The following TUFT1 variants were observed in gnomAD, a reference collection of about 807,000 sequenced individuals.
The protein encoded by TUFT1 is tuftelin.
A neutral mutation model predicts 57.8 loss-of-function variants in TUFT1; 43 were observed. The ratio of observed to expected loss-of-function variants is 0.74; its 90% CI spans 0.58 to 0.96. TUFT1 has a LOEUF of 0.96. TUFT1 is among the 40% of genes least tolerant of loss of function. The pLI, the probability that TUFT1 is intolerant of heterozygous loss-of-function variation, is 0.00. For missense variants in TUFT1, 459 were observed against 489.0 expected, an observed-to-expected ratio of 0.94 and a Z score of 0.58; for synonymous variants, 166 against 176.7, an observed-to-expected ratio of 0.94 and a Z score of 0.48.
chr1:151,544,216 A>G (rs1468578786), intron 1 of TUFT1, among the ~76,000 whole-genome samples: 2 of 151,916 alleles, frequency 1.3e-5, no homozygotes, highest in East Asian at 3.9e-4. Context: ...CCTGGTTTAA[A>G]GTAATCTTCC....
Position 151,579,750 on chromosome 1 carries a change from C to T in TUFT1, c.1008+18C>T, listed in dbSNP as rs900901907. On this transcript the variant is annotated intron_variant, in intron 11 of 12. Coordinates refer to ENST00000368849, the MANE Select transcript of TUFT1 (RefSeq NM_020127.3). Reference sequence around the variant, plus strand: ...AGGCAGAGGTGTGTGTGCTGGGCAGCCCAGCAGGGGAACAGGACTCTTGAA... The same window carrying T: ...AGGCAGAGGTGTGTGTGCTGGGCAGTCCAGCAGGGGAACAGGACTCTTGAA... 1 of 1,610,326 alleles carries T rather than the reference C, an allele frequency of 6.2e-7. No homozygotes were observed. The highest frequency in any genetic ancestry group is 8.5e-7 in the Non-Finnish European group (1 of 1,178,032).
intron 11 of TUFT1, 28 bp from the exon 12 acceptor site, chr1:151,580,914 A>G (rs369650635): frequency 1.2e-6 from 2 of 1,610,374 alleles, no homozygotes; most frequent in Non-Finnish European, 1.7e-6. Flanking sequence ...GAAAAAGGCC[A>G]ACTCTAACCC....
intron 1 of TUFT1, among the ~76,000 whole-genome samples, chr1:151,541,972 G>A (rs2102512159): frequency 6.6e-6 from 1 of 152,240 alleles, no homozygotes; most frequent in South Asian, 2.1e-4. Flanking sequence ...TCAGCCTCCT[G>A]AGTAGCTGGG....
intron 1 of TUFT1, among the ~76,000 whole-genome samples, chr1:151,552,477 G>A (rs1665541666): frequency 6.6e-6 from 1 of 152,164 alleles, no homozygotes; most frequent in Non-Finnish European, 1.5e-5. Flanking sequence ...GCCGAGGCGG[G>A]TGGATTACCT....
intron 1 of TUFT1, among the ~76,000 whole-genome samples, chr1:151,555,700 C>G (rs1665674043): frequency 6.7e-6 from 1 of 149,526 alleles, no homozygotes; most frequent in Non-Finnish European, 1.5e-5. Context: ...TCGTTTGAAC[C>G]CAGGAGGCAG....
intron 4 of TUFT1, 97 bp from the exon 5 acceptor site, chr1:151,564,428 C>G: frequency 1.2e-6 from 1 of 860,466 alleles, no homozygotes. Context: ...CAGTGCCTGA[C>G]TCGCAGTACA....
chr1:151,548,097 G>A lies in TUFT1; in HGVS notation c.60+7671G>A, dbSNP rs1304222588. 2.0e-5 allele frequency among the ~76,000 whole-genome samples: 3 copies of A among 152,184 alleles called. 1 individual carries two copies. Among genetic ancestry groups the A allele is most frequent in the Admixed American group, 2.0e-4 (3 of 15,280 alleles). On this transcript the variant is annotated intron_variant, in intron 1 of 12. Transcript: ENST00000368849. ...CAAAGGGCCATCTCTGGCCTAGGCAGCACTGCAGAAGGCAGGACCATGTAC... is the reference window on the plus strand; with the variant it reads ...CAAAGGGCCATCTCTGGCCTAGGCAACACTGCAGAAGGCAGGACCATGTAC...
rs895405411 is a variant in TUFT1 at position 151,582,827 on chromosome 1, T to C, written c.*1120T>C. The stretch of plus-strand genomic sequence containing the variant: ...AGAAAGAGGGCAATCAGGACTCTTC[T>C]GGGACCCAGATGAGTTCTTCACTAG... On this transcript the variant is annotated 3_prime_UTR_variant, in exon 13 of 13. Coordinates refer to ENST00000368849, the MANE Select transcript of TUFT1 (RefSeq NM_020127.3). 3 of 152,380 alleles carry C rather than the reference T, an allele frequency of 2.0e-5. No individual in the cohort carries two copies. Among genetic ancestry groups the C allele is most frequent in the Non-Finnish European group, 4.4e-5 (3 of 68,200 alleles). The allele number at this position is 152,380 out of a possible 1,614,324, so 9.4% of individuals were successfully genotyped here.
intron 6 of TUFT1, among the ~76,000 whole-genome samples, chr1:151,566,808 T>C (rs1320662117): frequency 6.6e-6 from 1 of 152,192 alleles, no homozygotes; most frequent in Non-Finnish European, 1.5e-5. Context: ...TTTTCTTAAC[T>C]AAAGAGTATA....
chr1:151,580,905 A>C, intron 11 of TUFT1, 37 bp from the exon 12 acceptor site: 1 of 1,602,474 alleles, frequency 6.2e-7, no homozygotes, highest in Non-Finnish European at 8.5e-7. Flanking sequence ...GGGAAGCCAG[A>C]AAAAGGCCAA....
rs557517057 is a variant in TUFT1, at chr1:151,541,002, CT to C, written c.60+579del. ...TTCCGAGATTGGCTAGGGACTCTAC[CT>C]TTCGCTAAGGGATAGGGCTTTCCGC... On this transcript the variant is annotated intron_variant, in intron 1 of 12. Transcript: ENST00000368849. 9 of 152,624 alleles carry C rather than the reference CT, an allele frequency of 5.9e-5. No homozygotes were observed. In the East Asian group the frequency reaches 1.7e-3, roughly 29 times the overall value. The allele number at this position is 152,624 out of a possible 1,614,324, so 9.5% of individuals were successfully genotyped here.
intron 6 of TUFT1, among the ~76,000 whole-genome samples, chr1:151,567,100 G>A (rs538363182): frequency 4.6e-5 from 7 of 152,218 alleles, no homozygotes; most frequent in African/African-American, 1.7e-4. Flanking sequence ...TTGTAGAGAT[G>A]GGGTTGCCCA....
At chr1:151,541,939 C>T (rs1455663140) in intron 1 of TUFT1, among the ~76,000 whole-genome samples, 1 of 152,204 alleles carries the variant, frequency 6.6e-6, no homozygotes, top group Non-Finnish European at 1.5e-5. Flanking sequence ...CAGCCTTGAA[C>T]TCCTGGCCTC....
In TUFT1 at chr1:151,545,808, T is replaced by G. The variant is rs79661940; in HGVS notation, c.60+5382T>G. 4,624 of 532,460 alleles carry G rather than the reference T, an allele frequency of 8.7e-3. 169 individuals are homozygous for G. Among genetic ancestry groups the G allele is most frequent in the African/African-American group, 0.082 (4,251 of 51,998 alleles). The allele number at this position is 532,460 out of a possible 1,614,324, so 33.0% of individuals were successfully genotyped here. A position where few individuals can be genotyped will look rare whatever the true frequency, so the allele number is the denominator to read the frequency against. Reference sequence around the variant, plus strand: ...ACCCAGGGTGAAGACCTGAGTAACCTTTGCTAGTCCTGACTCAGCCAGTAC... The same window carrying G: ...ACCCAGGGTGAAGACCTGAGTAACCGTTGCTAGTCCTGACTCAGCCAGTAC... On this transcript the variant is annotated intron_variant, in intron 1 of 12. Transcript: ENST00000368849.
intron 7 of TUFT1, 33 bp from the exon 8 acceptor site, chr1:151,574,237 C>T (rs775765279): frequency 1.3e-6 from 2 of 1,581,384 alleles, no homozygotes; most frequent in Non-Finnish European, 1.7e-6. Context: ...CTTTTTTCCA[C>T]ACCATTTAAC....
At chr1:151,576,211 G>A (rs1463826588) in intron 9 of TUFT1, among the ~76,000 whole-genome samples, 3 of 152,142 alleles carry the variant, frequency 2.0e-5, no homozygotes, top group East Asian at 1.9e-4. Context: ...AGCAGCATGC[G>A]CTTGTCAGCT....
intron 9 of TUFT1, among the ~76,000 whole-genome samples, chr1:151,578,002 G>A (rs557212656): frequency 1.3e-5 from 2 of 151,752 alleles, no homozygotes; most frequent in South Asian, 2.1e-4. Flanking sequence ...CTCCAGCCTG[G>A]GCTACAGAGT....
At chr1:151,554,953 C>A (rs1173440959) in intron 1 of TUFT1, among the ~76,000 whole-genome samples, 35 of 149,564 alleles carry the variant, frequency 2.3e-4, no homozygotes, top group African/African-American at 8.6e-4. Context: ...ATCCACCCAC[C>A]TCGGCCTCCC....
At chr1:151,580,853 A>G (rs1666625349) in intron 11 of TUFT1, 89 bp from the exon 12 acceptor site, 1 of 1,175,806 alleles carries the variant, frequency 8.5e-7, no homozygotes, top group Admixed American at 1.8e-5. Context: ...CAGCATAAAC[A>G]CAGGCAGAGA....
Sources: gnomAD v4.1 joint callset for allele counts (sites outside exome capture counted in the v4.1 genomes callset) on GRCh38, gnomAD v4.1.1 for gene constraint, MANE v1.5 for transcripts, NCBI Gene and HGNC (gene_info 2026-07-23, HGNC 2026-07-21) for gene names.